The following KYNU variants were observed in gnomAD, a reference collection of about 807,000 sequenced individuals.
The protein encoded by KYNU is kynureninase, also known as L-kynurenine hydrolase.
A neutral mutation model predicts 59.2 loss-of-function variants in KYNU; 54 were observed. That is an observed-to-expected ratio of 0.91 (90% CI 0.73 to 1.14). The LOEUF (loss-of-function observed/expected upper bound fraction) is 1.14. KYNU is among the 50% of genes most tolerant of loss of function. The pLI, the probability that KYNU is intolerant of heterozygous loss-of-function variation, is 0.00. For synonymous variants in KYNU, 177 were observed against 192.0 expected, an observed-to-expected ratio of 0.92 and a Z score of 0.65; for missense variants, 567 against 554.4, an observed-to-expected ratio of 1.02 and a Z score of -0.23.
At chr2:142,936,659 C>T (rs537965900) in intron 4 of KYNU, among the ~76,000 whole-genome samples, 37 of 152,286 alleles carry the variant, frequency 2.4e-4, no homozygotes, top group East Asian at 9.6e-4. Flanking sequence ...CTTGGACCAA[C>T]GCTGGATTTT....
intron 12 of KYNU, among the ~76,000 whole-genome samples, chr2:143,039,468 C>A (rs919920142): frequency 6.6e-6 from 1 of 152,040 alleles, no homozygotes; most frequent in African/African-American, 2.4e-5. Flanking sequence ...TATTTAAATC[C>A]ATTTATTAAG....
At chr2:143,001,459 A>C (rs1302031857) in intron 10 of KYNU, among the ~76,000 whole-genome samples, 1 of 152,246 alleles carries the variant, frequency 6.6e-6, no homozygotes, top group East Asian at 1.9e-4. Context: ...AATCAGGAGC[A>C]TAAACAATAG....
chr2:142,947,210 A>C, intron 4 of KYNU: 1 of 1,550,692 alleles, frequency 6.4e-7, no homozygotes, highest in Non-Finnish European at 8.7e-7. Context: ...TTCCCAAGAA[A>C]ACTTCAGTGG....
Position 143,016,887 on chromosome 2 carries a change from C to T in KYNU, c.903-12740C>T, listed in dbSNP as rs1022690127. On this transcript the variant is annotated intron_variant, in intron 10 of 13. Coordinates refer to ENST00000264170, the MANE Select transcript of KYNU (RefSeq NM_003937.3). ...CCAGTAGTTTTTCAATTCTCAATCC[C>T]CTCCCTCTCTCCTCGCTTTAGTAGT... 7.2e-5 allele frequency among the ~76,000 whole-genome samples: 11 copies of T among 152,012 alleles called. 1 individual carries two copies. Among genetic ancestry groups the T allele is most frequent in the Admixed American group, 7.2e-4 (11 of 15,244 alleles).
rs547399928 is a variant in KYNU at position 142,967,935 on chromosome 2, A to G, written c.729+7165A>G. Among the ~76,000 whole-genome samples, 7 of 152,334 alleles carry G rather than the reference A, an allele frequency of 4.6e-5. No individual in the cohort carries two copies. In the East Asian group the frequency reaches 1.3e-3, roughly 29 times the overall value. On this transcript the variant is annotated intron_variant, in intron 8 of 13. Transcript: ENST00000264170. Reference sequence around the variant, plus strand: ...GAGTACTAAACACTTTTGTGTACAAATATAAATTAGCATAATGTATGAAAT... The same window carrying G: ...GAGTACTAAACACTTTTGTGTACAAGTATAAATTAGCATAATGTATGAAAT...
intron 2 of KYNU, among the ~76,000 whole-genome samples, chr2:142,887,134 C>T (rs561379705): frequency 6.6e-6 from 1 of 151,756 alleles, no homozygotes; most frequent in South Asian, 2.1e-4. Context: ...TGCACCACTG[C>T]ACTCCAGCTT....
chr2:142,915,933 G>T (rs571354421), intron 2 of KYNU, among the ~76,000 whole-genome samples: 3 of 152,118 alleles, frequency 2.0e-5, no homozygotes, highest in Non-Finnish European at 4.4e-5. Context: ...AATATGTTGT[G>T]ATGTTCTTAT....
At chr2:142,955,766 T>C (rs1053055433) in intron 5 of KYNU, among the ~76,000 whole-genome samples, 2 of 152,064 alleles carry the variant, frequency 1.3e-5, no homozygotes, top group Non-Finnish European at 2.9e-5. Flanking sequence ...ATGAAAGAGC[T>C]TCACTGAACA....
At chr2:142,919,520 C>T (rs1258625872) in intron 3 of KYNU, among the ~76,000 whole-genome samples, 1 of 152,154 alleles carries the variant, frequency 6.6e-6, no homozygotes, top group Non-Finnish European at 1.5e-5. Context: ...AAGATGAAAC[C>T]AAACCAAATA....
At chr2:142,965,069 A>G (rs908925802) in intron 8 of KYNU, among the ~76,000 whole-genome samples, 2 of 152,092 alleles carry the variant, frequency 1.3e-5, no homozygotes, top group African/African-American at 4.8e-5. Flanking sequence ...ATCTCTAGTG[A>G]TTTTTAACCA....
intron 10 of KYNU, among the ~76,000 whole-genome samples, chr2:143,013,298 C>CTCTCTGTGTGTGTGTGTGTG (rs72349700): frequency 4.7e-5 from 7 of 149,468 alleles, no homozygotes; most frequent in African/African-American, 1.7e-4. Flanking sequence ...GTCTCTTTCT[C>CTCTCTGTGTGTGTGTGTGTG]TGTGTGTGTG....
At chr2:142,914,582 GCAT>G (rs1209659507) in intron 2 of KYNU, among the ~76,000 whole-genome samples, 2 of 152,138 alleles carry the variant, frequency 1.3e-5, no homozygotes, top group African/African-American at 4.8e-5. Context: ...AAGTCTATAG[GCAT>G]CATTTTTCCA....
chr2:143,049,422 C>T lies in KYNU; in HGVS notation c.*7250C>T, dbSNP rs1454190922. ...CCCTCCTCAAACTTTGGGGTCAGGCCACACACTATAAAGGATTGGAAAAAA... is the reference window on the plus strand; with the variant it reads ...CCCTCCTCAAACTTTGGGGTCAGGCTACACACTATAAAGGATTGGAAAAAA... On this transcript the variant is annotated 3_prime_UTR_variant, in exon 14 of 14. Coordinates refer to ENST00000264170, the MANE Select transcript of KYNU (RefSeq NM_003937.3). 2 of 152,004 alleles carry T rather than the reference C, an allele frequency of 1.3e-5. No individual in the cohort carries two copies. Among genetic ancestry groups the T allele is most frequent in the Admixed American group, 1.3e-4 (2 of 15,256 alleles). 9.4% of individuals were successfully genotyped at this position (152,004 alleles called of 1,614,324 possible). A position where few individuals can be genotyped will look rare whatever the true frequency, so the allele number is the denominator to read the frequency against.
Position 142,974,283 on chromosome 2 carries a change from A to G in KYNU, c.730-10801A>G, listed in dbSNP as rs549896146. Among the ~76,000 whole-genome samples the G allele has an allele frequency of 4.7e-4, 72 of 152,324 alleles. 2 individuals are homozygous for G. The South Asian group carries it at 0.014, about 30-fold the overall frequency. ...AAAGAGGAAGGGTATGGTAACCCACATGGTGCAAGAGAGAAGGAGCAGGTA... is the reference window on the plus strand; with the variant it reads ...AAAGAGGAAGGGTATGGTAACCCACGTGGTGCAAGAGAGAAGGAGCAGGTA... On this transcript the variant is annotated intron_variant, in intron 8 of 13. Transcript: ENST00000264170.
chr2:142,989,052 C>A, intron 10 of KYNU: 1 of 637,046 alleles, frequency 1.6e-6, no homozygotes, highest in Non-Finnish European at 2.7e-6. Flanking sequence ...AAAGAAAAGA[C>A]CCAAAAGCCT....
At chr2:143,042,010 A>G in intron 13 of KYNU, 37 bp from the exon 14 acceptor site, 2 of 1,607,704 alleles carry the variant, frequency 1.2e-6, no homozygotes, top group Non-Finnish European at 1.7e-6. Context: ...CGTGTGAATA[A>G]TGCTAACATT....
intron 13 of KYNU, among the ~76,000 whole-genome samples, chr2:143,041,649 T>C (rs547988519): frequency 3.3e-5 from 5 of 151,938 alleles, no homozygotes; most frequent in Non-Finnish European, 7.4e-5. Flanking sequence ...GAGAATTAAG[T>C]TCAAGGATAA....
intron 2 of KYNU, among the ~76,000 whole-genome samples, chr2:142,886,899 G>C (rs896580296): frequency 6.6e-6 from 1 of 152,052 alleles, no homozygotes; most frequent in African/African-American, 2.4e-5. Flanking sequence ...AGCCGGGCGC[G>C]GTGGCTCACG....
In KYNU at chr2:143,051,492, G is replaced by A. The variant is rs1275734283; in HGVS notation, c.*9320G>A. 6.6e-6 allele frequency: 1 copy of A among 151,982 alleles called. No homozygotes were observed. The highest frequency in any genetic ancestry group is 1.9e-4 in the East Asian group (1 of 5,200). The allele number at this position is 151,982 out of a possible 1,614,324, so 9.4% of individuals were successfully genotyped here. A position where few individuals can be genotyped will look rare whatever the true frequency, so the allele number is the denominator to read the frequency against. On this transcript the variant is annotated 3_prime_UTR_variant, in exon 14 of 14. Coordinates refer to ENST00000264170, the MANE Select transcript of KYNU (RefSeq NM_003937.3). ...ATTTCATAGTGGTATTTTCAATTTT[G>A]TCTGGGATAATAAGATGTTTTATTT... is the stretch of plus-strand genomic sequence containing the variant.
Sources: allele counts gnomAD v4.1 joint callset (sites outside exome capture counted in the v4.1 genomes callset), GRCh38; gene constraint gnomAD v4.1.1; transcripts MANE v1.5; gene names NCBI Gene and HGNC (gene_info 2026-07-23, HGNC 2026-07-21).